Variants in CTNNA2 observed in about 807,000 individuals in gnomAD.
CTNNA2 encodes the protein catenin alpha-2.
Under a neutral mutation model 101.0 loss-of-function variants are expected in CTNNA2, and 42 were observed. The observed-to-expected ratio is 0.42, with a 90% confidence interval of 0.32 to 0.54. CTNNA2 has a LOEUF of 0.54. Ranked by LOEUF, CTNNA2 falls within the 20% of genes least tolerant of loss-of-function variation. The pLI is 0.14. For missense variants in CTNNA2, 871 were observed against 1,223.1 expected, an observed-to-expected ratio of 0.71 and a Z score of 4.29; for synonymous variants, 450 against 456.4, an observed-to-expected ratio of 0.99 and a Z score of 0.18.
chr2:80,100,789 T>A (rs1232951288), intron 7 of CTNNA2, among the ~76,000 whole-genome samples: 2 of 152,200 alleles, frequency 1.3e-5, no homozygotes, highest in Non-Finnish European at 2.9e-5. Context: ...TTCAGCACTC[T>A]CATCAACATT....
intron 13 of CTNNA2, among the ~76,000 whole-genome samples, chr2:80,580,786 G>A (rs527772929): frequency 1.1e-3 from 174 of 152,226 alleles, no homozygotes; most frequent in Admixed American, 2.4e-3. Flanking sequence ...AGGCCAATGC[G>A]GGCAGATCAC....
At chr2:79,715,848 A>G (rs933707143) in intron 2 of CTNNA2, among the ~76,000 whole-genome samples, 3 of 152,146 alleles carry the variant, frequency 2.0e-5, no homozygotes, top group Non-Finnish European at 4.4e-5. Context: ...TACGTCTAAT[A>G]TCAAGCATAA....
At chr2:79,560,759 A>T (rs1288974737) in intron 1 of CTNNA2, among the ~76,000 whole-genome samples, 1 of 151,940 alleles carries the variant, frequency 6.6e-6, no homozygotes, top group Non-Finnish European at 1.5e-5. Flanking sequence ...CTGAGTTGTG[A>T]ATATATCCTG....
intron 7 of CTNNA2, among the ~76,000 whole-genome samples, chr2:80,144,783 C>T (rs1457745656): frequency 6.6e-6 from 1 of 152,186 alleles, no homozygotes; most frequent in African/African-American, 2.4e-5. Context: ...GTTTCTCATT[C>T]ATTATTTCTC....
rs181976425 is a variant in CTNNA2 at position 79,188,163 on chromosome 2, A to C, written c.-524+2732A>C. Among the ~76,000 whole-genome samples the C allele has an allele frequency of 3.9e-4, 60 of 152,310 alleles. No homozygotes were observed. The East Asian group carries it at 0.011, about 29-fold the overall frequency. ...GATTTTTAATATGTTCATTAAAAAG[A>C]GTTTATTTTTTCCCAAAGTACAGCA... On this transcript the variant is annotated intron_variant, in intron 1 of 21. Transcript: ENST00000466387.
At chr2:80,044,974 A>G (rs761346364) in intron 7 of CTNNA2, among the ~76,000 whole-genome samples, 1 of 152,142 alleles carries the variant, frequency 6.6e-6, no homozygotes, top group Non-Finnish European at 1.5e-5. Context: ...GGAAATGTTG[A>G]GCTGGGCACC....
chr2:80,617,180 CAAGT>C (rs1431451004), intron 17 of CTNNA2, among the ~76,000 whole-genome samples: 1 of 151,466 alleles, frequency 6.6e-6, no homozygotes, highest in African/African-American at 2.4e-5. Context: ...TGAGATGATC[CAAGT>C]AAGTTTCTAA....
At chr2:80,329,949 G>T (rs900058594) in intron 7 of CTNNA2, among the ~76,000 whole-genome samples, 5 of 152,226 alleles carry the variant, frequency 3.3e-5, no homozygotes, top group African/African-American at 1.2e-4. Flanking sequence ...TGTTATAACT[G>T]GCTTATGGCT....
In CTNNA2 at chr2:79,926,117, G is replaced by C. The variant is rs985893830; in HGVS notation, c.1056+16320G>C. ...TATACTGGCTGTATAAAATCTCTTC[G>C]AATTAATGAGAATGGTTCTGGCCCC... On this transcript the variant is annotated intron_variant, in intron 7 of 18. Coordinates refer to ENST00000402739, the MANE Select transcript of CTNNA2 (RefSeq NM_001282597.3). Among the ~76,000 whole-genome samples, 8 of 151,952 alleles carry C rather than the reference G, an allele frequency of 5.3e-5. No homozygotes were observed. In the East Asian group the frequency reaches 1.5e-3, roughly 29 times the overall value.
chr2:79,686,888 A>G (rs1370652320), intron 2 of CTNNA2, among the ~76,000 whole-genome samples: 1 of 152,110 alleles, frequency 6.6e-6, no homozygotes, highest in Non-Finnish European at 1.5e-5. Context: ...GAACTAGGGA[A>G]ACACCCCAAA....
intron 6 of CTNNA2, among the ~76,000 whole-genome samples, chr2:79,879,179 C>G (rs192319941): frequency 1.3e-5 from 2 of 151,646 alleles, no homozygotes; most frequent in African/African-American, 2.4e-5. Flanking sequence ...GTTGGTCTGT[C>G]TGTTTTGGGA....
At chr2:79,602,359 A>T (rs1677605670) in intron 1 of CTNNA2, among the ~76,000 whole-genome samples, 1 of 152,310 alleles carries the variant, frequency 6.6e-6, no homozygotes, top group South Asian at 2.1e-4. Context: ...TTTAAAAAAA[A>T]AACTCTAAAA....
intron 2 of CTNNA2, among the ~76,000 whole-genome samples, chr2:79,667,742 C>G (rs1407571072): frequency 6.6e-6 from 1 of 152,184 alleles, no homozygotes; most frequent in Non-Finnish European, 1.5e-5. Context: ...CATGTAGAAG[C>G]ATAATCAATC....
At chr2:80,639,482 T>C (rs2149850425) in intron 18 of CTNNA2, among the ~76,000 whole-genome samples, 1 of 150,410 alleles carries the variant, frequency 6.6e-6, no homozygotes, top group Non-Finnish European at 1.5e-5. Flanking sequence ...AATGCTGGGA[T>C]TATAGGCATG....
chr2:79,466,802 C>G (rs1007614659), intron 4 of CTNNA2, among the ~76,000 whole-genome samples: 1 of 152,246 alleles, frequency 6.6e-6, no homozygotes, highest in African/African-American at 2.4e-5. Flanking sequence ...TCCAACAGAA[C>G]TGCAGCTGAG....
At chr2:80,074,868 C>T (rs1698574167) in intron 7 of CTNNA2, among the ~76,000 whole-genome samples, 1 of 152,164 alleles carries the variant, frequency 6.6e-6, no homozygotes, top group Admixed American at 6.5e-5. Context: ...GTGACTTTCT[C>T]AAGATCCTGG....
At chr2:79,608,085 T>C (rs556882160) in intron 1 of CTNNA2, among the ~76,000 whole-genome samples, 89 of 152,108 alleles carry the variant, frequency 5.9e-4, no homozygotes, top group African/African-American at 2.0e-3. Flanking sequence ...GAGAGTGGTT[T>C]CATCATGAAC....
At chr2:80,526,677 GACAGTACCTTCTTC>G (rs1690066747) in intron 9 of CTNNA2, among the ~76,000 whole-genome samples, 1 of 152,180 alleles carries the variant, frequency 6.6e-6, no homozygotes, top group Non-Finnish European at 1.5e-5. Context: ...GAATGATAAT[GACAGTACCTTCTTC>G]GTGTGGTGTT....
intron 2 of CTNNA2, among the ~76,000 whole-genome samples, chr2:79,249,813 G>A (rs1448683558): frequency 6.6e-6 from 1 of 152,116 alleles, no homozygotes; most frequent in Non-Finnish European, 1.5e-5. Flanking sequence ...CCCCTCTTTA[G>A]ATTAGGAGCT....
Sources: gnomAD v4.1 joint callset for allele counts (sites outside exome capture counted in the v4.1 genomes callset) on GRCh38, gnomAD v4.1.1 for gene constraint, MANE v1.5 for transcripts, NCBI Gene and HGNC (gene_info 2026-07-23, HGNC 2026-07-21) for gene names.